Variants in RCOR1 observed in about 807,000 individuals in gnomAD.
RCOR1 encodes REST corepressor 1, also known as REST corepressor.
A neutral mutation model predicts 64.0 loss-of-function variants in RCOR1; 12 were observed. The observed-to-expected ratio is 0.19, with a 90% CI of 0.12 to 0.30. The LOEUF (loss-of-function observed/expected upper bound fraction) is 0.30, where lower values mean the gene tolerates loss of function less well. RCOR1 is among the 10% of genes least tolerant of loss of function. The pLI is 1.00. For synonymous variants in RCOR1, 279 were observed against 227.2 expected (o/e 1.23, Z -2.05); for missense variants, 502 against 621.2 (o/e 0.81, Z 2.04).
chr14:102,658,375 A>T, intron 2 of RCOR1: 1 of 288,766 alleles, frequency 3.5e-6, no homozygotes, highest in Non-Finnish European at 5.2e-6. Flanking sequence ...GCACTTTGGG[A>T]GGCAGATCAC....
At chr14:102,671,631 C>T (rs908182784) in intron 2 of RCOR1, among the ~76,000 whole-genome samples, 1 of 152,178 alleles carries the variant, frequency 6.6e-6, no homozygotes. Context: ...CTGGCCTCAG[C>T]TGATCCTCCC....
At chr14:102,726,361 C>A in intron 11 of RCOR1, 107 bp from the exon 12 acceptor site, 3 of 902,582 alleles carry the variant, frequency 3.3e-6, no homozygotes, top group Non-Finnish European at 5.0e-6. Flanking sequence ...GGTGTTTGCT[C>A]TGCAGGTTTG....
chr14:102,696,038 T>C (rs561285116), intron 3 of RCOR1, among the ~76,000 whole-genome samples: 175 of 152,224 alleles, frequency 1.1e-3, no homozygotes, highest in Non-Finnish European at 2.3e-3. Context: ...ACGTTAGCTG[T>C]TGTTTCTGCT....
rs577518547 is a variant in RCOR1 at position 102,705,500 on chromosome 14, A to G, written c.499-1851A>G. On this transcript the variant is annotated intron_variant, in intron 4 of 11. Transcript: ENST00000262241. ...TGCTCTGTCATCCATGCTGGAGTGC[A>G]GTGGTGTGATCATAGCTCACTGCAG... 5.9e-5 allele frequency among the ~76,000 whole-genome samples: 9 copies of G among 152,308 alleles called. No homozygotes were observed. In the East Asian group the frequency reaches 1.7e-3, roughly 29 times the overall value.
At chr14:102,718,222 G>A (rs889520501) in intron 8 of RCOR1, among the ~76,000 whole-genome samples, 4 of 152,066 alleles carry the variant, frequency 2.6e-5, no homozygotes, top group African/African-American at 9.7e-5. Context: ...GTTGCCTCAT[G>A]TTGGAAGCTA....
chr14:102,662,218 G>C (rs1894839240), intron 2 of RCOR1: 2 of 476,980 alleles, frequency 4.2e-6, no homozygotes, highest in South Asian at 3.2e-5. Flanking sequence ...CATATATTTA[G>C]AATTAGCCAG....
intron 2 of RCOR1, among the ~76,000 whole-genome samples, chr14:102,671,557 G>A (rs1409397382): frequency 6.6e-6 from 1 of 152,006 alleles, no homozygotes; most frequent in Non-Finnish European, 1.5e-5. Context: ...CACCATATCT[G>A]GCTAACTTTT....
At chr14:102,642,551 T>C (rs1221023230) in intron 2 of RCOR1, among the ~76,000 whole-genome samples, 2 of 152,188 alleles carry the variant, frequency 1.3e-5, no homozygotes, top group Non-Finnish European at 2.9e-5. Flanking sequence ...GAAGTTAATC[T>C]GGGCTGGGCA....
chr14:102,658,535 A>C (rs1894771009), intron 2 of RCOR1: 1 of 985,224 alleles, frequency 1.0e-6, no homozygotes, highest in Admixed American at 6.2e-5. Flanking sequence ...AATTATGGAA[A>C]GTTTTTAGAA....
At chr14:102,607,982 G>A (rs905019347) in intron 2 of RCOR1, among the ~76,000 whole-genome samples, 2 of 152,044 alleles carry the variant, frequency 1.3e-5, no homozygotes, top group Admixed American at 6.6e-5. Context: ...GTTGAACCGG[G>A]GAGGCAGAGG....
At chr14:102,608,858 C>G (rs1893569389) in intron 2 of RCOR1, among the ~76,000 whole-genome samples, 1 of 151,916 alleles carries the variant, frequency 6.6e-6, no homozygotes, top group Admixed American at 6.6e-5. Context: ...AGCCACTACA[C>G]CTGGCTCATT....
chr14:102,615,232 A>G (rs1211175029), intron 2 of RCOR1, among the ~76,000 whole-genome samples: 1 of 147,160 alleles, frequency 6.8e-6, no homozygotes, highest in Non-Finnish European at 1.5e-5. Flanking sequence ...TCCTGGGCTC[A>G]AGTGATTCTT....
At chr14:102,634,034 G>A (rs1894181545) in intron 2 of RCOR1, among the ~76,000 whole-genome samples, 1 of 152,178 alleles carries the variant, frequency 6.6e-6, no homozygotes, top group East Asian at 1.9e-4. Flanking sequence ...AAGGAGGTAG[G>A]GTGAGGCTTT....
chr14:102,685,985 G>T (rs1468007878), intron 3 of RCOR1, among the ~76,000 whole-genome samples: 1 of 152,096 alleles, frequency 6.6e-6, no homozygotes. Flanking sequence ...CTAATATAGA[G>T]AAAATGTAAA....
chr14:102,656,129 ATTTTTTTAT>A (rs1555464412), intron 2 of RCOR1: 1 of 979,038 alleles, frequency 1.0e-6, no homozygotes, highest in Non-Finnish European at 1.2e-6. Flanking sequence ...CTTTGCTGAG[ATTTTTTTAT>A]TTTTTTTATT....
At chr14:102,683,902 ACCCT>A (rs1895357706) in intron 3 of RCOR1, among the ~76,000 whole-genome samples, 1 of 151,984 alleles carries the variant, frequency 6.6e-6, no homozygotes, top group Non-Finnish European at 1.5e-5. Flanking sequence ...CTGGGGCTGC[ACCCT>A]CCTGCTGTGG....
At chr14:102,658,624 C>T in intron 2 of RCOR1, 1 of 985,388 alleles carries the variant, frequency 1.0e-6, no homozygotes, top group Non-Finnish European at 1.2e-6. Context: ...TTATCAGACC[C>T]CTCACTTGGG....
Position 102,727,306 on chromosome 14 carries a change from G to C in RCOR1, c.*800G>C, listed in dbSNP as rs1231710589. The C allele has an allele frequency of 4.0e-5, 1 of 24,778 alleles. No individual in the cohort carries two copies. The highest frequency in any genetic ancestry group is 8.7e-5 in the Non-Finnish European group (1 of 11,554). 1.5% of individuals were successfully genotyped at this position (24,778 alleles called of 1,614,324 possible). A position where few individuals can be genotyped will look rare whatever the true frequency, so the allele number is the denominator to read the frequency against. On this transcript the variant is annotated 3_prime_UTR_variant, in exon 12 of 12. Transcript: ENST00000262241. ...ACCCCCCCCACCCCCCCACCTCCAA[G>C]AGGTTCGGCCCACATCACTGTACCT...
chr14:102,662,687 C>T, intron 2 of RCOR1: 1 of 440,582 alleles, frequency 2.3e-6, no homozygotes, highest in Non-Finnish European at 4.3e-6. Flanking sequence ...GCAGGAGCTT[C>T]CTTCTTTGCT....
Sources: allele counts gnomAD v4.1 joint callset (sites outside exome capture counted in the v4.1 genomes callset), GRCh38; gene constraint gnomAD v4.1.1; transcripts MANE v1.5; gene names NCBI Gene and HGNC (gene_info 2026-07-23, HGNC 2026-07-21).